Variants in ACER2 observed in about 807,000 individuals in gnomAD.
ACER2 encodes the protein alkCDase 2.
ACER2 carries 26 observed loss-of-function variants against 34.7 expected under a neutral mutation model. That is an observed-to-expected ratio of 0.75 (90% CI 0.55 to 1.04). The LOEUF (loss-of-function observed/expected upper bound fraction) is 1.04, where lower values mean the gene tolerates loss of function less well. ACER2 is among the 50% of genes least tolerant of loss of function. The probability of loss-of-function intolerance (pLI) is 0.00; values close to 1 mark genes in which losing one functional copy is unlikely to be tolerated. For synonymous variants in ACER2, 138 were observed against 132.1 expected (o/e 1.04, Z -0.31); for missense variants, 352 against 340.8 (o/e 1.03, Z -0.26).
intron 1 of ACER2, among the ~76,000 whole-genome samples, chr9:19,410,902 A>G (rs1245942103): frequency 1.3e-5 from 2 of 152,336 alleles, no homozygotes; most frequent in Non-Finnish European, 2.9e-5. Context: ...AATAAAGAAT[A>G]TAGTGAAAGA....
intron 3 of ACER2, among the ~76,000 whole-genome samples, chr9:19,433,151 T>A (rs923018566): frequency 0.011 from 46 of 4,152 alleles, no homozygotes; most frequent in African/African-American, 0.018. Context: ...GTGAGTGGCT[T>A]TTTTTTTTTT....
chr9:19,424,958 A>T (rs1328947703), intron 3 of ACER2, 117 bp downstream of exon 3: 1 of 1,268,542 alleles, frequency 7.9e-7, no homozygotes, highest in Non-Finnish European at 1.1e-6. Context: ...AGCTTATCAT[A>T]TACTTGTTCA....
chr9:19,443,221 A>G (rs1029186453), intron 4 of ACER2, among the ~76,000 whole-genome samples: 2 of 152,076 alleles, frequency 1.3e-5, no homozygotes, highest in African/African-American at 4.8e-5. Flanking sequence ...TTTAGTAGAG[A>G]CAGGGTTTCA....
At chr9:19,430,306 T>A (rs1205736145) in intron 3 of ACER2, among the ~76,000 whole-genome samples, 1 of 152,164 alleles carries the variant, frequency 6.6e-6, no homozygotes, top group Admixed American at 6.5e-5. Context: ...TTGTTAGATT[T>A]TGGATTAGAG....
chr9:19,410,071 T>C (rs1458155921), intron 1 of ACER2, among the ~76,000 whole-genome samples: 1 of 152,216 alleles, frequency 6.6e-6, no homozygotes, highest in Non-Finnish European at 1.5e-5. Flanking sequence ...CTGTGGCTTA[T>C]CTTTTCACCG....
chr9:19,427,999 CTTTTT>C (rs1563880017), intron 3 of ACER2, among the ~76,000 whole-genome samples: 5 of 87,244 alleles, frequency 5.7e-5, no homozygotes, highest in Admixed American at 1.0e-4. Flanking sequence ...CTTTCCTTTC[CTTTTT>C]CCTTTTTCCT....
chr9:19,434,211 T>G (rs956338846), intron 3 of ACER2, among the ~76,000 whole-genome samples: 5 of 136,732 alleles, frequency 3.7e-5, no homozygotes, highest in East Asian at 2.2e-4. Flanking sequence ...TTCCTAGATG[T>G]GATGGCGGCC....
chr9:19,416,150 C>T (rs1450194215), intron 1 of ACER2, among the ~76,000 whole-genome samples: 3 of 149,810 alleles, frequency 2.0e-5, no homozygotes, highest in African/African-American at 7.4e-5. Flanking sequence ...TTCCATTTTT[C>T]TTCTCCTCTT....
At chr9:19,434,384 A>G (rs1345327039) in intron 3 of ACER2, among the ~76,000 whole-genome samples, 2 of 152,206 alleles carry the variant, frequency 1.3e-5, no homozygotes, top group Non-Finnish European at 2.9e-5. Flanking sequence ...GGCCGGGCAG[A>G]GGCTGCAATC....
At chr9:19,450,134 A>G (rs1831513275) in intron 5 of ACER2, 6 of 928,736 alleles carry the variant, frequency 6.5e-6, no homozygotes, top group Non-Finnish European at 7.7e-6. Context: ...CTTCCATCTT[A>G]GCATCTCTGT....
chr9:19,451,443 C>G lies in ACER2; in HGVS notation c.*807C>G, dbSNP rs995691231. 47 of 152,632 alleles carry G rather than the reference C, an allele frequency of 3.1e-4. No homozygotes were observed. Among genetic ancestry groups the G allele is most frequent in the African/African-American group, 1.1e-3 (44 of 41,440 alleles). 9.5% of individuals were successfully genotyped at this position (152,632 alleles called of 1,614,324 possible). ...CAGGTTTTACATGCATCTGTGAATC[C>G]TTTTACTACTACCTCTGTGGAGAGA... On this transcript the variant is annotated 3_prime_UTR_variant, in exon 6 of 6. Coordinates refer to ENST00000340967, the MANE Select transcript of ACER2 (RefSeq NM_001010887.3).
At chr9:19,422,812 A>T (rs1341093998) in intron 1 of ACER2, among the ~76,000 whole-genome samples, 1 of 151,944 alleles carries the variant, frequency 6.6e-6, no homozygotes, top group Non-Finnish European at 1.5e-5. Context: ...CGAGTGGATC[A>T]CCTGAGGTCA....
intron 1 of ACER2, chr9:19,409,683 T>G: frequency 1.0e-6 from 1 of 955,454 alleles, no homozygotes; most frequent in Non-Finnish European, 1.2e-6. Flanking sequence ...CAGGCAGACT[T>G]GCCCCACCCC....
intron 1 of ACER2, among the ~76,000 whole-genome samples, chr9:19,415,372 G>T (rs185881174): frequency 1.2e-3 from 188 of 152,094 alleles, no homozygotes; most frequent in African/African-American, 4.3e-3. Flanking sequence ...CTTACCTGTA[G>T]TCCCAGCTAC....
chr9:19,423,884 T>G lies in ACER2; in HGVS notation c.131T>G (p.Ile44Ser). 6.2e-7 allele frequency: 1 copy of G among 1,614,012 alleles called. No homozygotes were observed. The highest frequency in any genetic ancestry group is 8.5e-7 in the Non-Finnish European group (1 of 1,179,874). The change falls in exon 2 of 6, where the codon ATT (isoleucine) becomes AGT (serine). Residue 44 changes from isoleucine to serine, a missense_variant. Ile to Ser is a moderately radical substitution (Grantham distance 142). Transcript: ENST00000340967. The part of the protein sequence containing the change: ...YNTISNVLFF[I>S]LPPICMCLFR... Reference sequence around the variant, plus strand: ...CAGATCAGCAATGTCTTATTTTTCATTTTACCGCCCATCTGCATGTGCTTG... The same window carrying G: ...CAGATCAGCAATGTCTTATTTTTCAGTTTACCGCCCATCTGCATGTGCTTG...
chr9:19,411,809 G>A (rs1274088970), intron 1 of ACER2, among the ~76,000 whole-genome samples: 1 of 152,108 alleles, frequency 6.6e-6, no homozygotes, highest in Non-Finnish European at 1.5e-5. Context: ...TGGGTCTTAG[G>A]GGTAGCACAT....
At chr9:19,424,048 TC>T in intron 2 of ACER2, 72 bp downstream of exon 2, 1 of 1,228,940 alleles carries the variant, frequency 8.1e-7, no homozygotes, top group Non-Finnish European at 1.2e-6. Context: ...TCCACACACT[TC>T]CTCTCCCCTT....
intron 3 of ACER2, among the ~76,000 whole-genome samples, chr9:19,434,198 C>A: frequency 6.6e-6 from 1 of 151,898 alleles, no homozygotes; most frequent in East Asian, 1.9e-4. Flanking sequence ...AGACGCTCCT[C>A]ACTTCCTAGA....
At chr9:19,437,653 T>G (rs1831019510) in intron 4 of ACER2, among the ~76,000 whole-genome samples, 2 of 152,278 alleles carry the variant, frequency 1.3e-5, no homozygotes, top group Admixed American at 1.3e-4. Context: ...ACCAACCAAT[T>G]TGGACCACCT....
Sources: gnomAD v4.1 joint callset for allele counts (sites outside exome capture counted in the v4.1 genomes callset) on GRCh38, gnomAD v4.1.1 for gene constraint, MANE v1.5 for transcripts, NCBI Gene and HGNC (gene_info 2026-07-23, HGNC 2026-07-21) for gene names.